Variants in PSMF1 observed in about 807,000 individuals in gnomAD.
The protein encoded by PSMF1 is proteasome inhibitor PI31 subunit.
In PSMF1, 30 loss-of-function variants were observed where a neutral mutation model predicts 29.3. The observed-to-expected ratio is 1.02, with a 90% CI of 0.77 to 1.39. The LOEUF is 1.39. Among genes scored for constraint, PSMF1 ranks in the 40% most tolerant of loss-of-function variants. PSMF1 has a pLI of 0.00. For synonymous variants in PSMF1, 134 were observed against 139.7 expected (o/e 0.96, Z 0.29); for missense variants, 344 against 357.5 (o/e 0.96, Z 0.31).
intron 4 of PSMF1, among the ~76,000 whole-genome samples, chr20:1,147,249 G>A (rs2086465069): frequency 1.3e-5 from 2 of 152,134 alleles, no homozygotes; most frequent in Admixed American, 6.5e-5. Context: ...TGTGAACCGA[G>A]TGTGTTAATT....
chr20:1,135,000 A>C (rs748137400), intron 3 of PSMF1, 121 bp from the exon 4 acceptor site: 15 of 959,472 alleles, frequency 1.6e-5, no homozygotes, highest in Non-Finnish European at 2.5e-5. Context: ...ACTTATAAAC[A>C]GGCCAAGCGC....
Position 1,135,180 on chromosome 20 carries a change from T to C in PSMF1, c.425T>C (p.Ile142Thr). ...ATTGTGTCTGGAATCATCACACCTA[T>C]CCATGAGCAGTGGGAAAAGGCTAAT... ...SRIVSGIITP[I>T]HEQWEKANVS... The change falls in exon 4 of 7, where the codon ATC (isoleucine) becomes ACC (threonine). Residue 142 changes from isoleucine (I) to threonine (T), a missense_variant. By Grantham distance (89) the Ile-to-Thr change is moderately conservative (BLOSUM62 -1). Transcript: ENST00000335877. 1.9e-6 allele frequency: 3 copies of C among 1,614,018 alleles called. No individual in the cohort carries two copies. The highest frequency in any genetic ancestry group is 2.5e-6 in the Non-Finnish European group (3 of 1,180,002).
Position 1,165,100 on chromosome 20 carries a change from TC to T in PSMF1, c.*23del. 6.2e-7 allele frequency: 1 copy of T among 1,614,122 alleles called. No individual in the cohort carries two copies. On this transcript the variant is annotated 3_prime_UTR_variant, in exon 7 of 7. Coordinates refer to ENST00000335877, the MANE Select transcript of PSMF1 (RefSeq NM_006814.5). ...CTGTGAAGGCCTCAAGAATGTAACA[TC>T]CCAGGCTTCCCTCCATTCTCCTGGA...
chr20:1,118,312 G>A, upstream of PSMF1: 1 of 157,340 alleles, frequency 6.4e-6, no homozygotes, highest in Non-Finnish European at 1.4e-5. Context: ...TAGCAAGCAC[G>A]GCGAACGTGT....
intron 4 of PSMF1, among the ~76,000 whole-genome samples, chr20:1,152,312 G>A (rs933692693): frequency 3.9e-5 from 6 of 152,240 alleles, no homozygotes; most frequent in African/African-American, 1.2e-4. Flanking sequence ...CATCTTATGA[G>A]CATTGGAGCA....
chr20:1,147,385 A>G (rs879265412), intron 4 of PSMF1, among the ~76,000 whole-genome samples: 1 of 152,208 alleles, frequency 6.6e-6, no homozygotes, highest in Non-Finnish European at 1.5e-5. Context: ...GAGGGTGAGC[A>G]CTGGGATTTA....
At chr20:1,132,519 C>T (rs1392502766) in intron 3 of PSMF1, among the ~76,000 whole-genome samples, 1 of 152,070 alleles carries the variant, frequency 6.6e-6, no homozygotes, top group African/African-American at 2.4e-5. Context: ...TCGTGACCCA[C>T]CCATCTTAGC....
rs2086727236 is a variant in PSMF1, at chr20:1,166,169, G to A, written c.*1089G>A. On this transcript the variant is annotated 3_prime_UTR_variant, in exon 7 of 7. Transcript: ENST00000335877. ...TGTTGAACTTCGGGAGGAGCAGGGA[G>A]CCCTGCACCTTGTGTCCTGGCCCAC... 1.6e-5 allele frequency: 26 copies of A among 1,603,456 alleles called. No homozygotes were observed. The South Asian group carries it at 2.7e-4, about 17-fold the overall frequency.
chr20:1,126,202 A>T (rs1448772351), intron 2 of PSMF1, among the ~76,000 whole-genome samples: 1 of 152,174 alleles, frequency 6.6e-6, no homozygotes, highest in Non-Finnish European at 1.5e-5. Flanking sequence ...CCTGACACTC[A>T]TTGCAGCTTG....
intron 4 of PSMF1, among the ~76,000 whole-genome samples, chr20:1,156,226 G>A (rs754911504): frequency 3.3e-5 from 5 of 152,126 alleles, no homozygotes; most frequent in Non-Finnish European, 5.9e-5. Flanking sequence ...CTGAACAACA[G>A]AGAGAAAAAA....
chr20:1,142,863 T>C (rs2086401405), intron 4 of PSMF1, among the ~76,000 whole-genome samples: 1 of 152,256 alleles, frequency 6.6e-6, no homozygotes, highest in Non-Finnish European at 1.5e-5. Context: ...TCCACAATGG[T>C]TGAACTAGTT....
rs1167919153 is a variant in PSMF1 at position 1,167,887 on chromosome 20, CTA to C, written c.*2811_*2812del. On this transcript the variant is annotated 3_prime_UTR_variant, in exon 7 of 7. Coordinates refer to ENST00000335877, the MANE Select transcript of PSMF1 (RefSeq NM_006814.5). The stretch of plus-strand genomic sequence containing the variant: ...GGAATTGCTGGTTCACATGGTAGCT[CTA>C]TATTCTACTTTGTGAGGAATTGTCA... 2.0e-5 allele frequency: 3 copies of C among 152,298 alleles called. No individual in the cohort carries two copies. The East Asian group carries it at 5.8e-4, about 29-fold the overall frequency. 9.4% of individuals were successfully genotyped at this position (152,298 alleles called of 1,614,324 possible).
chr20:1,157,758 GT>G (rs572131454), intron 4 of PSMF1, among the ~76,000 whole-genome samples: 68 of 144,118 alleles, frequency 4.7e-4, no homozygotes, highest in African/African-American at 1.3e-3. Flanking sequence ...TCAGCAGGTC[GT>G]TTTTTTTTTT....
chr20:1,125,801 C>A (rs570877293), intron 2 of PSMF1, 151 bp downstream of exon 2: 3 of 1,093,170 alleles, frequency 2.7e-6, no homozygotes, highest in East Asian at 2.5e-5. Flanking sequence ...AAGGTGAGAA[C>A]CCTAAGTATA....
At chr20:1,132,684 T>C (rs1210690717) in intron 3 of PSMF1, among the ~76,000 whole-genome samples, 4 of 152,202 alleles carry the variant, frequency 2.6e-5, no homozygotes, top group Non-Finnish European at 5.9e-5. Flanking sequence ...TTGGGGAGAA[T>C]TGACATTCTT....
At chr20:1,148,666 T>C (rs2086487223) in intron 4 of PSMF1, among the ~76,000 whole-genome samples, 3 of 152,252 alleles carry the variant, frequency 2.0e-5, no homozygotes, top group Non-Finnish European at 4.4e-5. Context: ...TTCATTTTGC[T>C]AGTATGCTAT....
intron 4 of PSMF1, among the ~76,000 whole-genome samples, chr20:1,160,086 A>G (rs1436577954): frequency 6.6e-6 from 1 of 152,006 alleles, no homozygotes; most frequent in Non-Finnish European, 1.5e-5. Context: ...CCTATGCATT[A>G]CGGAAAAAAC....
At chr20:1,123,437 A>G (rs1452671844) in intron 1 of PSMF1, among the ~76,000 whole-genome samples, 3 of 152,224 alleles carry the variant, frequency 2.0e-5, no homozygotes, top group African/African-American at 7.2e-5. Flanking sequence ...TACATCCATG[A>G]AAAAAGATTA....
At chr20:1,160,964 A>G (rs766785773) in intron 4 of PSMF1, 26 of 431,526 alleles carry the variant, frequency 6.0e-5, no homozygotes, top group African/African-American at 1.0e-4. Flanking sequence ...GAGACCTTCA[A>G]TACCCTGGAC....
Sources: allele counts gnomAD v4.1 joint callset (sites outside exome capture counted in the v4.1 genomes callset), GRCh38; gene constraint gnomAD v4.1.1; transcripts MANE v1.5; gene names NCBI Gene and HGNC (gene_info 2026-07-23, HGNC 2026-07-21).